The following EFL1 variants were observed in gnomAD, a reference collection of about 807,000 sequenced individuals.
EFL1 encodes elongation factor-like GTPase 1.
EFL1 carries 76 observed loss-of-function variants against 126.7 expected under a neutral mutation model. The ratio of observed to expected loss-of-function variants is 0.60; its 90% CI spans 0.50 to 0.73. The LOEUF (loss-of-function observed/expected upper bound fraction) is 0.73. Ranked by LOEUF, EFL1 falls within the 30% of genes least tolerant of loss-of-function variation. The pLI, the probability that EFL1 is intolerant of heterozygous loss-of-function variation, is 0.00. For synonymous variants in EFL1, 410 were observed against 448.4 expected, an observed-to-expected ratio of 0.91 and a Z score of 1.08; for missense variants, 1,128 against 1,343.2, an observed-to-expected ratio of 0.84 and a Z score of 2.50.
At chr15:82,159,977 A>C (rs1715115239) in intron 16 of EFL1, 1 of 152,294 alleles carries the variant, frequency 6.6e-6, no homozygotes, top group Non-Finnish European at 1.5e-5. Context: ...ACCTTCAAAA[A>C]GAAGGAAGCA....
In EFL1 at chr15:82,241,543, C is replaced by A. The variant is rs1380217730; in HGVS notation, c.245-140G>T. The A allele has an allele frequency of 1.2e-5, 13 of 1,055,916 alleles. No individual in the cohort carries two copies. The East Asian group carries it at 3.2e-4, about 26-fold the overall frequency. 65.4% of individuals were successfully genotyped at this position (1,055,916 alleles called of 1,614,324 possible). A position where few individuals can be genotyped will look rare whatever the true frequency, so the allele number is the denominator to read the frequency against. On this transcript the variant is annotated intron_variant, in intron 4 of 19. Transcript: ENST00000268206. ...AAGGAGTTGAAAGCTCAATCCAGAG[C>A]TACCATTCCAACTTTTCCCACTGAT... is the stretch of plus-strand genomic sequence containing the variant.
intron 14 of EFL1, among the ~76,000 whole-genome samples, chr15:82,216,858 TA>T (rs1197691606): frequency 6.6e-6 from 1 of 152,090 alleles, no homozygotes; most frequent in East Asian, 1.9e-4. Context: ...TTCTGCCTAT[TA>T]AAAGGTACCA....
At chr15:82,244,516 C>T (rs573701165) in intron 4 of EFL1, among the ~76,000 whole-genome samples, 2 of 152,262 alleles carry the variant, frequency 1.3e-5, no homozygotes, top group Admixed American at 6.5e-5. Flanking sequence ...ACAGAAACTT[C>T]TGCTGCTTTA....
intron 18 of EFL1, among the ~76,000 whole-genome samples, chr15:82,145,676 T>C (rs1045817282): frequency 2.7e-5 from 4 of 150,856 alleles, no homozygotes; most frequent in Non-Finnish European, 4.4e-5. Flanking sequence ...CTACTAAAAA[T>C]ACAAAAAAAT....
chr15:82,132,935 T>A (rs942804687), intron 19 of EFL1, among the ~76,000 whole-genome samples: 1 of 151,746 alleles, frequency 6.6e-6, no homozygotes, highest in African/African-American at 2.4e-5. Context: ...CAGCAAACAA[T>A]GTCAACACGA....
chr15:82,187,733 T>C (rs1017681618), intron 15 of EFL1, among the ~76,000 whole-genome samples: 1 of 152,148 alleles, frequency 6.6e-6, no homozygotes, highest in Non-Finnish European at 1.5e-5. Flanking sequence ...AAATTCTAAT[T>C]TTTATTTTAA....
rs1259650575 is a variant in EFL1, at chr15:82,230,920, T to C, written c.783A>G (p.Glu261=). The C allele has an allele frequency of 6.2e-7, 1 of 1,613,568 alleles. No homozygotes were observed. Among genetic ancestry groups the C allele is most frequent in the African/African-American group, 1.3e-5 (1 of 75,018 alleles). The change falls in exon 8 of 20, where the codon GAA becomes GAG. Residue 261 remains glutamate (E), a synonymous_variant. Coordinates refer to ENST00000268206, the MANE Select transcript of EFL1 (RefSeq NM_024580.6). ...IYSQKIGIKK[E]VLMKTLWGDY... Reference sequence around the variant, plus strand: ...CTCCCCACAAGGTTTTCATAAGAACTTCCTTTTTGATGCCAATTTTTTGAC... The same window carrying C: ...CTCCCCACAAGGTTTTCATAAGAACCTCCTTTTTGATGCCAATTTTTTGAC...
At chr15:82,163,683 T>A (rs1203599594) in intron 16 of EFL1, among the ~76,000 whole-genome samples, 170 bp downstream of exon 16, 1 of 152,228 alleles carries the variant, frequency 6.6e-6, no homozygotes, top group Non-Finnish European at 1.5e-5. Flanking sequence ...AACCATGGCA[T>A]GTTCCTAAGA....
intron 18 of EFL1, among the ~76,000 whole-genome samples, chr15:82,147,159 G>A (rs1595940997): frequency 6.6e-6 from 1 of 152,128 alleles, no homozygotes; most frequent in East Asian, 1.9e-4. Context: ...CACGTGTTGT[G>A]CTGAAAATTC....
chr15:82,208,371 CT>C (rs1449837037), intron 15 of EFL1, among the ~76,000 whole-genome samples: 1 of 152,172 alleles, frequency 6.6e-6, no homozygotes, highest in Admixed American at 6.5e-5. Flanking sequence ...TTATTAAGCA[CT>C]TGAAATATGG....
intron 15 of EFL1, among the ~76,000 whole-genome samples, chr15:82,175,385 TC>T: frequency 6.6e-6 from 1 of 152,182 alleles, no homozygotes; most frequent in East Asian, 1.9e-4. Flanking sequence ...ACGCATTACT[TC>T]CTGGTGAGAA....
At chr15:82,237,458 C>T (rs993356917) in intron 7 of EFL1, among the ~76,000 whole-genome samples, 1 of 152,162 alleles carries the variant, frequency 6.6e-6, no homozygotes, top group Non-Finnish European at 1.5e-5. Flanking sequence ...ACCACAATAT[C>T]ATATTAGTAC....
In EFL1 at chr15:82,147,795, CAGA is replaced by C. The variant is rs547957204; in HGVS notation, c.2989+3667_2989+3669del. On this transcript the variant is annotated intron_variant, in intron 18 of 19. Transcript: ENST00000268206. ...AATCAATCATGAATGATCTCAATGA[CAGA>C]AGAAGGAAGAAAGCCCCTCCTCAAC... 1.4e-3 allele frequency among the ~76,000 whole-genome samples: 207 copies of C among 152,080 alleles called. 1 individual carries two copies. Among genetic ancestry groups the C allele is most frequent in the African/African-American group, 4.7e-3 (193 of 41,480 alleles).
At chr15:82,195,590 C>T (rs540520031) in intron 15 of EFL1, among the ~76,000 whole-genome samples, 41 of 152,132 alleles carry the variant, frequency 2.7e-4, no homozygotes, top group African/African-American at 9.9e-4. Flanking sequence ...GATTTGCTGT[C>T]CCTCAAGTTT....
intron 17 of EFL1, chr15:82,157,468 T>C (rs1343115206): frequency 2.7e-6 from 1 of 364,296 alleles, no homozygotes; most frequent in Non-Finnish European, 5.0e-6. Flanking sequence ...GTAAAATACA[T>C]ACACAGAAAA....
chr15:82,218,649 T>G (rs2074676478), intron 14 of EFL1, among the ~76,000 whole-genome samples: 1 of 152,212 alleles, frequency 6.6e-6, no homozygotes, highest in Non-Finnish European at 1.5e-5. Flanking sequence ...AAATCATAGA[T>G]GAGTTTTTAT....
chr15:82,235,766 C>G (rs2074866439), intron 7 of EFL1, among the ~76,000 whole-genome samples: 1 of 152,160 alleles, frequency 6.6e-6, no homozygotes, highest in Non-Finnish European at 1.5e-5. Flanking sequence ...AGGCTTAATG[C>G]TTTCCTCCTA....
chr15:82,160,112 A>T (rs1236323775), intron 16 of EFL1: 1 of 152,268 alleles, frequency 6.6e-6, no homozygotes, highest in Non-Finnish European at 1.5e-5. Context: ...ACACTGTGGA[A>T]AGGATGATGT....
intron 18 of EFL1, among the ~76,000 whole-genome samples, chr15:82,139,445 G>A (rs2073761104): frequency 6.6e-6 from 1 of 152,184 alleles, no homozygotes; most frequent in Non-Finnish European, 1.5e-5. Context: ...ACAATTTCTA[G>A]TGCCACAGCA....
Sources: gnomAD v4.1 joint callset for allele counts (sites outside exome capture counted in the v4.1 genomes callset) on GRCh38, gnomAD v4.1.1 for gene constraint, MANE v1.5 for transcripts, NCBI Gene and HGNC (gene_info 2026-07-23, HGNC 2026-07-21) for gene names.